The following ETNK2 variants were observed in gnomAD, a reference collection of about 807,000 sequenced individuals.
The protein encoded by ETNK2 is ethanolamine kinase-like protein.
Under a neutral mutation model 46.2 loss-of-function variants are expected in ETNK2, and 33 were observed. The ratio of observed to expected loss-of-function variants is 0.71; its 90% CI spans 0.54 to 0.96. The LOEUF is 0.96. Among genes scored for constraint, ETNK2 ranks in the 40% least tolerant of loss-of-function variants. ETNK2 has a pLI of 0.00. For missense variants in ETNK2, 445 were observed against 509.7 expected, an observed-to-expected ratio of 0.87 and a Z score of 1.22; for synonymous variants, 194 against 209.0, an observed-to-expected ratio of 0.93 and a Z score of 0.62.
chr1:204,139,877 C>T (rs188831825), intron 5 of ETNK2, among the ~76,000 whole-genome samples, 158 bp downstream of exon 5: 2 of 152,232 alleles, frequency 1.3e-5, no homozygotes, highest in East Asian at 1.9e-4. Flanking sequence ...TAAGTATTTA[C>T]GTATCTAAAC....
intron 2 of ETNK2, 28 bp downstream of exon 2, chr1:204,149,675 G>A: frequency 1.9e-6 from 3 of 1,551,892 alleles, no homozygotes; most frequent in Non-Finnish European, 2.6e-6. Context: ...AAGAATAGTA[G>A]AGACAGAGGC....
chr1:204,151,843 G>A lies in ETNK2; in HGVS notation c.10C>T (p.Pro4Ser). 3 of 1,452,550 alleles carry A rather than the reference G, an allele frequency of 2.1e-6. No homozygotes were observed. The highest frequency in any genetic ancestry group is 1.8e-6 in the Non-Finnish European group (2 of 1,106,736). The allele number at this position is 1,452,550 out of a possible 1,614,324, so 90.0% of individuals were successfully genotyped here. A position where few individuals can be genotyped will look rare whatever the true frequency, so the allele number is the denominator to read the frequency against. MAV[P>S]PSAPQPRASF... ...GCGCGCGGCTGAGGGGCCGAAGGGG[G>A]CACAGCCATTCCCAGCAGCCCCACC... The change falls in exon 1 of 8, where the codon CCC becomes TCC. Residue 4 changes from proline to serine, a missense_variant. Coordinates refer to ENST00000367202, the MANE Select transcript of ETNK2 (RefSeq NM_018208.4). The surrounding 1 kb of genome is among the most constrained non-coding windows in gnomAD (Gnocchi z 8.0).
intron 5 of ETNK2, among the ~76,000 whole-genome samples, chr1:204,137,527 A>G (rs1361618735): frequency 6.6e-6 from 1 of 152,288 alleles, no homozygotes; most frequent in Non-Finnish European, 1.5e-5. Flanking sequence ...CCTGGGAGTG[A>G]CAGGAACCCC....
intron 3 of ETNK2, 122 bp downstream of exon 3, chr1:204,146,520 A>G (rs1571630082): frequency 1.7e-6 from 2 of 1,190,414 alleles, no homozygotes; most frequent in African/African-American, 3.1e-5. Flanking sequence ...TGCAGGAGAA[A>G]CTCCCCAGCC....
At chr1:204,139,973 G>A in intron 5 of ETNK2, 62 bp downstream of exon 5, 1 of 1,326,166 alleles carries the variant, frequency 7.5e-7, no homozygotes, top group Non-Finnish European at 1.1e-6. Context: ...CCATCTACAT[G>A]CGGTCAGTCA....
At chr1:204,135,983 G>A (rs1657264622) in intron 6 of ETNK2, among the ~76,000 whole-genome samples, 1 of 152,190 alleles carries the variant, frequency 6.6e-6, no homozygotes, top group South Asian at 2.1e-4. Context: ...ATTTGAGCAG[G>A]AAGAGCCTGT....
chr1:204,151,653 G>A lies in ETNK2; in HGVS notation c.200C>T (p.Ala67Val). 6.5e-7 allele frequency: 1 copy of A among 1,549,276 alleles called. No homozygotes were observed. The highest frequency in any genetic ancestry group is 8.7e-7 in the Non-Finnish European group (1 of 1,146,376). Residue 67 changes from alanine to valine, a missense_variant, in exon 1 of 8, where the codon GCC becomes GTC. Physicochemically the swap from Ala to Val is moderately conservative, Grantham distance 64. Coordinates refer to ENST00000367202, the MANE Select transcript of ETNK2 (RefSeq NM_018208.4). This position sits in a 1 kb window ranked among gnomAD's most constrained non-coding sequence, Gnocchi z 8.0. The part of the protein sequence containing the change: ...SVDPDDILPG[A>V]LRLIQELRPH... ...CCGCAGCTCCTGGATGAGGCGCAGG[G>A]CCCCGGGAAGGATGTCGTCCGGGTC...
intron 6 of ETNK2, among the ~76,000 whole-genome samples, chr1:204,135,789 A>G (rs552843423): frequency 6.6e-6 from 1 of 152,340 alleles, no homozygotes; most frequent in East Asian, 1.9e-4. Context: ...GGGAATCCGA[A>G]ATTACAGAAA....
At chr1:204,136,991 G>T in intron 6 of ETNK2, 113 bp downstream of exon 6, 2 of 1,411,374 alleles carry the variant, frequency 1.4e-6, no homozygotes, top group South Asian at 1.3e-5. Flanking sequence ...CCAGGGATGG[G>T]TGTCCCCAGG....
intron 3 of ETNK2, among the ~76,000 whole-genome samples, chr1:204,145,519 C>T (rs1416838908): frequency 6.6e-6 from 1 of 152,168 alleles, no homozygotes; most frequent in Non-Finnish European, 1.5e-5. Flanking sequence ...AGGTCCTTGT[C>T]CCAAAGAGAA....
chr1:204,148,718 C>A lies in ETNK2; in HGVS notation c.518+985G>T, dbSNP rs556382561. Reference sequence around the variant, plus strand: ...TCTAAGTCCCTGCAGAAGGCATGCACAAACACAGCCAGGTGCATTTGGGGT... The same window carrying A: ...TCTAAGTCCCTGCAGAAGGCATGCAAAAACACAGCCAGGTGCATTTGGGGT... On this transcript the variant is annotated intron_variant, in intron 2 of 7. Transcript: ENST00000367202. Among the ~76,000 whole-genome samples the A allele has an allele frequency of 2.0e-5, 3 of 152,308 alleles. No individual in the cohort carries two copies. In the East Asian group the frequency reaches 5.8e-4, roughly 29 times the overall value.
chr1:204,147,433 G>A (rs1386255067), intron 2 of ETNK2: 1 of 533,394 alleles, frequency 1.9e-6, no homozygotes, highest in Non-Finnish European at 3.8e-6. Flanking sequence ...GTTGCTGGGA[G>A]AAGGTGGGGG....
In ETNK2 at chr1:204,151,670, G is replaced by C. The variant is rs1346077714; in HGVS notation, c.183C>G (p.Asp61Glu). The change falls in exon 1 of 8, where the codon GAC becomes GAG. Residue 61 changes from aspartate (D) to glutamate (E), a missense_variant. Transcript: ENST00000367202. This position sits in a 1 kb window ranked among gnomAD's most constrained non-coding sequence, Gnocchi z 8.0. The part of the protein sequence containing the change: ...VAYFGISVDP[D>E]DILPGALRLI... ...GGCGCAGGGCCCCGGGAAGGATGTC[G>C]TCCGGGTCCACGGAAATGCCGAAGT... 6.5e-7 allele frequency: 1 copy of C among 1,548,642 alleles called. No homozygotes were observed. The highest frequency in any genetic ancestry group is 2.0e-5 in the Admixed American group (1 of 50,856).
intron 5 of ETNK2, among the ~76,000 whole-genome samples, chr1:204,138,423 T>C (rs1003460151): frequency 6.6e-6 from 1 of 152,204 alleles, no homozygotes; most frequent in Non-Finnish European, 1.5e-5. Context: ...GGACTTAAAA[T>C]GCTTAAGAAT....
chr1:204,141,171 C>T (rs1347446069), intron 4 of ETNK2, 144 bp downstream of exon 4: 1 of 1,000,136 alleles, frequency 1.0e-6, no homozygotes, highest in East Asian at 2.5e-5. Context: ...TTCCTTTCCC[C>T]CTTCCCTCCT....
chr1:204,140,276 TTCCATTCA>T (rs1455919405), intron 4 of ETNK2, among the ~76,000 whole-genome samples, 158 bp from the exon 5 acceptor site: 328 of 141,672 alleles, frequency 2.3e-3, no homozygotes, highest in African/African-American at 8.6e-3. Flanking sequence ...TCCAAGCTAC[TTCCATTCA>T]TCCATCCATC....
chr1:204,134,455 C>T, intron 7 of ETNK2, 60 bp downstream of exon 7: 1 of 1,579,622 alleles, frequency 6.3e-7, no homozygotes, highest in Non-Finnish European at 8.6e-7. Context: ...TTTGCCCACA[C>T]CCTGGGCTCA....
chr1:204,142,443 A>C (rs1467411578), intron 3 of ETNK2, among the ~76,000 whole-genome samples: 1 of 152,246 alleles, frequency 6.6e-6, no homozygotes, highest in African/African-American at 2.4e-5. Context: ...TCAAGTTATC[A>C]GAGGCCATGT....
intron 3 of ETNK2, among the ~76,000 whole-genome samples, chr1:204,143,920 C>T (rs192173962): frequency 5.9e-5 from 9 of 152,278 alleles, no homozygotes; most frequent in Admixed American, 5.2e-4. Context: ...GGGCATGGAT[C>T]CAACACCAAG....
Sources: allele counts gnomAD v4.1 joint callset (sites outside exome capture counted in the v4.1 genomes callset), GRCh38; gene constraint gnomAD v4.1.1; non-coding constraint Gnocchi (gnomAD v3.1); transcripts MANE v1.5; gene names NCBI Gene and HGNC (gene_info 2026-07-23, HGNC 2026-07-21).